DNAI3: variants seen among roughly 807,000 people sequenced by gnomAD.
The protein encoded by DNAI3 is dynein axonemal intermediate chain 3.
A neutral mutation model predicts 115.5 loss-of-function variants in DNAI3; 83 were observed. That is an observed-to-expected ratio of 0.72 (90% CI 0.60 to 0.86). The LOEUF (loss-of-function observed/expected upper bound fraction) is 0.86. Ranked by LOEUF, DNAI3 falls within the 40% of genes least tolerant of loss-of-function variation. The pLI is 0.00. For missense variants in DNAI3, 1,004 were observed against 1,075.8 expected, an observed-to-expected ratio of 0.93 and a Z score of 0.93; for synonymous variants, 320 against 347.0, an observed-to-expected ratio of 0.92 and a Z score of 0.86.
At chr1:85,083,766 G>T (rs1324108319) in intron 5 of DNAI3, among the ~76,000 whole-genome samples, 1 of 151,646 alleles carries the variant, frequency 6.6e-6, no homozygotes, top group African/African-American at 2.4e-5. Context: ...ACTCCCTCTC[G>T]TATCCTCCCT....
chr1:85,068,319 C>T (rs1208049078), intron 1 of DNAI3, among the ~76,000 whole-genome samples: 2 of 152,134 alleles, frequency 1.3e-5, no homozygotes, highest in East Asian at 3.8e-4. Context: ...TAAATAGCAA[C>T]TCCATGCTTT....
intron 19 of DNAI3, among the ~76,000 whole-genome samples, chr1:85,125,334 C>CAA (rs1280314091): frequency 1.3e-5 from 2 of 151,698 alleles, no homozygotes; most frequent in Non-Finnish European, 1.5e-5. Context: ...TATATACACA[C>CAA]ACATATATAT....
chr1:85,077,096 G>T (rs1654480903), intron 3 of DNAI3, among the ~76,000 whole-genome samples: 2 of 152,170 alleles, frequency 1.3e-5, no homozygotes, highest in African/African-American at 4.8e-5. Flanking sequence ...ACTATAAAAA[G>T]ATACTATAAA....
chr1:85,064,228 G>A (rs1379364169), intron 1 of DNAI3, among the ~76,000 whole-genome samples: 1 of 152,182 alleles, frequency 6.6e-6, no homozygotes, highest in Non-Finnish European at 1.5e-5. Context: ...TGGAGGACAT[G>A]TTAAAGACCT....
At chr1:85,116,919 C>T (rs983596180) in intron 16 of DNAI3, among the ~76,000 whole-genome samples, 1 of 152,034 alleles carries the variant, frequency 6.6e-6, no homozygotes, top group African/African-American at 2.4e-5. Context: ...TAAGTTTTGT[C>T]CAGAATTATG....
chr1:85,081,312 C>G lies in DNAI3; in HGVS notation c.182C>G (p.Thr61Arg). 1 of 1,606,500 alleles carries G rather than the reference C, an allele frequency of 6.2e-7. No homozygotes were observed. Among genetic ancestry groups the G allele is most frequent in the Non-Finnish European group, 8.5e-7 (1 of 1,177,540 alleles). Residue 61 changes from threonine to arginine, a missense_variant, in exon 4 of 23, where the codon ACA (threonine) becomes AGA (arginine). Physicochemically the swap from Thr to Arg is moderately conservative, Grantham distance 71. Transcript: ENST00000294664. ...IFNCRIDEDV[T>R]DEQPYKLINK... ...AACTGCCGAATAGATGAAGATGTCA[C>G]AGATGAACAACCTTATAAGCTTATC... is the stretch of plus-strand genomic sequence containing the variant.
intron 3 of DNAI3, among the ~76,000 whole-genome samples, chr1:85,078,143 A>T (rs574091844): frequency 6.6e-6 from 1 of 151,948 alleles, no homozygotes; most frequent in South Asian, 2.1e-4. Context: ...CTCTCCATGG[A>T]TCTTCTGTGT....
chr1:85,093,812 G>A, intron 9 of DNAI3, 164 bp downstream of exon 9: 1 of 800,492 alleles, frequency 1.2e-6, no homozygotes. Context: ...ACTGTCATGT[G>A]TCCTCCCAAC....
At chr1:85,089,253 A>G (rs1236230975) in intron 7 of DNAI3, among the ~76,000 whole-genome samples, 2 of 151,818 alleles carry the variant, frequency 1.3e-5, no homozygotes, top group Admixed American at 1.3e-4. Flanking sequence ...AGAAGGTTAG[A>G]TAATTGGCTC....
intron 12 of DNAI3, among the ~76,000 whole-genome samples, chr1:85,098,039 G>A (rs907018183): frequency 2.0e-5 from 3 of 152,160 alleles, no homozygotes; most frequent in East Asian, 3.8e-4. Flanking sequence ...ACCTCAGCAC[G>A]ATAGCTTTTC....
rs112560705 is a variant in DNAI3, at chr1:85,087,281, C to T, written c.740+1251C>T. Reference sequence around the variant, plus strand: ...TGAAACCCCGTCTTTACTAAAAATACGCAAATTAGCCAGGCGTGGTGACGT... The same window carrying T: ...TGAAACCCCGTCTTTACTAAAAATATGCAAATTAGCCAGGCGTGGTGACGT... On this transcript the variant is annotated intron_variant, in intron 7 of 22. Transcript: ENST00000294664. 7.2e-3 allele frequency among the ~76,000 whole-genome samples: 1,097 copies of T among 151,730 alleles called. 14 individuals are homozygous for T. The highest frequency in any genetic ancestry group is 0.025 in the African/African-American group (1,037 of 41,364).
chr1:85,101,459 A>C (rs1349265917), intron 13 of DNAI3, among the ~76,000 whole-genome samples: 1 of 152,144 alleles, frequency 6.6e-6, no homozygotes, highest in African/African-American at 2.4e-5. Flanking sequence ...GCAGTGGCTC[A>C]CACGCCTGTA....
chr1:85,132,819 T>C (rs1227238762), intron 22 of DNAI3, 36 bp from the exon 23 acceptor site: 4 of 1,571,236 alleles, frequency 2.5e-6, no homozygotes, highest in Non-Finnish European at 3.4e-6. Context: ...GATATCAGTG[T>C]TTTATAGGGA....
chr1:85,092,827 A>ACACG lies in DNAI3; in HGVS notation c.858-628_858-627insGCAC, dbSNP rs1553166270. 4.7e-3 allele frequency among the ~76,000 whole-genome samples: 707 copies of ACACG among 149,818 alleles called. 24 individuals are homozygous for ACACG. Among genetic ancestry groups the ACACG allele is most frequent in the African/African-American group, 0.011 (458 of 40,992 alleles). On this transcript the variant is annotated intron_variant, in intron 8 of 22. Transcript: ENST00000294664. ...CACACACACACACACACACACACACACACACACACTTCTAAACTCCAATTC... is the reference window on the plus strand; with the variant it reads ...CACACACACACACACACACACACACACACGCACACACACTTCTAAACTCCAATTC...
intron 7 of DNAI3, among the ~76,000 whole-genome samples, chr1:85,087,105 C>G (rs1654820765): frequency 6.6e-6 from 1 of 152,036 alleles, no homozygotes; most frequent in African/African-American, 2.4e-5. Context: ...TCATTCAGAT[C>G]TCTGCTCAAA....
chr1:85,131,459 AAAAAT>A (rs1421852961), intron 22 of DNAI3, among the ~76,000 whole-genome samples: 7 of 148,710 alleles, frequency 4.7e-5, no homozygotes, highest in African/African-American at 1.2e-4. Context: ...AAAAAAAAAA[AAAAAT>A]AAAGCATTAG....
intron 8 of DNAI3, among the ~76,000 whole-genome samples, chr1:85,092,868 T>A (rs1655021021): frequency 6.6e-6 from 1 of 151,658 alleles, no homozygotes; most frequent in Admixed American, 6.6e-5. Flanking sequence ...TTGTTCAGAA[T>A]CTCTTATTTG....
chr1:85,103,904 A>G (rs1655404787), intron 13 of DNAI3, among the ~76,000 whole-genome samples: 2 of 146,274 alleles, frequency 1.4e-5, no homozygotes, highest in African/African-American at 5.0e-5. Flanking sequence ...TAATAATAAT[A>G]ATAATAATAA....
chr1:85,098,783 A>G, intron 13 of DNAI3, 125 bp downstream of exon 13: 1 of 1,398,056 alleles, frequency 7.2e-7, no homozygotes. Context: ...GGAACTAAGC[A>G]TCAAAAAATG....
Sources: gnomAD v4.1 joint callset for allele counts (sites outside exome capture counted in the v4.1 genomes callset) on GRCh38, gnomAD v4.1.1 for gene constraint, MANE v1.5 for transcripts, NCBI Gene and HGNC (gene_info 2026-07-23, HGNC 2026-07-21) for gene names.